Variants in COL4A2 observed in about 807,000 individuals in gnomAD.
COL4A2 encodes collagen alpha-2(IV) chain.
In COL4A2, 99 loss-of-function variants were observed where a neutral mutation model predicts 200.2. The observed-to-expected ratio is 0.49, with a 90% CI of 0.42 to 0.58. The LOEUF (loss-of-function observed/expected upper bound fraction) is 0.58, where lower values mean the gene tolerates loss of function less well. Among genes scored for constraint, COL4A2 ranks in the 20% least tolerant of loss-of-function variants. COL4A2 has a pLI of 0.00. For missense variants in COL4A2, 1,950 were observed against 2,314.1 expected (o/e 0.84, Z 3.23); for synonymous variants, 897 against 900.6 (o/e 1.00, Z 0.07).
chr13:110,472,624 A>T lies in COL4A2; in HGVS notation c.2204-305A>T, dbSNP rs9559817. ...GCTATTCTTTGGGGCTTATTTGCAA[A>T]GCAGGGGAACCCATGAATTATGCAA... On this transcript the variant is annotated intron_variant, in intron 28 of 47. Coordinates refer to ENST00000360467, the MANE Select transcript of COL4A2 (RefSeq NM_001846.4). Among the ~76,000 whole-genome samples the T allele has an allele frequency of 9.5e-3, 1,442 of 151,902 alleles. 16 individuals carry two copies. Among genetic ancestry groups the T allele is most frequent in the African/African-American group, 0.032 (1,334 of 41,390 alleles).
chr13:110,483,382 C>G (rs1272879430), intron 32 of COL4A2, among the ~76,000 whole-genome samples: 1 of 152,102 alleles, frequency 6.6e-6, no homozygotes, highest in East Asian at 1.9e-4. Flanking sequence ...ATAGAGTTAC[C>G]CAGAAGTTCT....
At chr13:110,385,810 T>C (rs372661443) in intron 4 of COL4A2, among the ~76,000 whole-genome samples, 1 of 94,250 alleles carries the variant, frequency 1.1e-5, no homozygotes, top group Non-Finnish European at 2.4e-5. Flanking sequence ...TAGGCCGTGG[T>C]TACAGTGTGT....
At chr13:110,386,243 A>T (rs1029607096) in intron 4 of COL4A2, among the ~76,000 whole-genome samples, 1 of 152,210 alleles carries the variant, frequency 6.6e-6, no homozygotes, top group Admixed American at 6.5e-5. Context: ...GAGAAACGCT[A>T]AGTAGCTTTC....
chr13:110,472,532 C>T (rs896578806), intron 28 of COL4A2, among the ~76,000 whole-genome samples: 1 of 152,142 alleles, frequency 6.6e-6, no homozygotes, highest in Non-Finnish European at 1.5e-5. Context: ...TCGTTCCTGC[C>T]TCCCTGGGAT....
At chr13:110,414,322 G>GA (rs544610936) in intron 4 of COL4A2, among the ~76,000 whole-genome samples, 3 of 152,020 alleles carry the variant, frequency 2.0e-5, no homozygotes, top group East Asian at 1.9e-4. Flanking sequence ...AAATTAAAAA[G>GA]AAAAAAACAA....
chr13:110,462,091 A>T (rs868121041), intron 22 of COL4A2, 23 bp from the exon 23 acceptor site: 29 of 1,612,576 alleles, frequency 1.8e-5, no homozygotes, highest in South Asian at 4.4e-5. Flanking sequence ...GAAGGAAGAT[A>T]TTTTTTTGTC....
rs41275120 is a variant in COL4A2, at chr13:110,507,441, A to G, written c.4595-494A>G. The G allele has an allele frequency of 3.5e-3, 580 of 163,424 alleles. 2 individuals are homozygous for G. The highest frequency in any genetic ancestry group is 5.8e-3 in the Non-Finnish European group (432 of 73,908). 10.1% of individuals were successfully genotyped at this position (163,424 alleles called of 1,614,324 possible). A position where few individuals can be genotyped will look rare whatever the true frequency, so the allele number is the denominator to read the frequency against. ...CTGAGCTTTTCAGCAATCCATGTGA[A>G]GAGGGAAACCTGCTTAGCTGCAGCA... On this transcript the variant is annotated intron_variant, in intron 46 of 47. Coordinates refer to ENST00000360467, the MANE Select transcript of COL4A2 (RefSeq NM_001846.4).
chr13:110,309,042 C>T (rs1884898513), intron 3 of COL4A2, among the ~76,000 whole-genome samples: 1 of 152,164 alleles, frequency 6.6e-6, no homozygotes, highest in Middle Eastern at 3.2e-3. Context: ...CTGGGAACGA[C>T]CCCTCCCTCC....
intron 3 of COL4A2, among the ~76,000 whole-genome samples, chr13:110,308,725 C>T (rs1884884179): frequency 6.6e-6 from 1 of 152,140 alleles, no homozygotes; most frequent in African/African-American, 2.4e-5. Context: ...TCCTGTTCGC[C>T]GAGCCTGCCC....
chr13:110,484,769 C>T lies in COL4A2; in HGVS notation c.2903-136C>T, dbSNP rs1883052793. On this transcript the variant is annotated intron_variant, in intron 32 of 47. Coordinates refer to ENST00000360467, the MANE Select transcript of COL4A2 (RefSeq NM_001846.4). ...ATGGACACAGGAGAGGCTTCTCCGG[C>T]GCCCTTGGTCTCTCTCCAAGGCTTC... The T allele has an allele frequency of 1.1e-5, 14 of 1,264,908 alleles. No homozygotes were observed. The South Asian group carries it at 1.5e-4, about 14-fold the overall frequency. 78.4% of individuals were successfully genotyped at this position (1,264,908 alleles called of 1,614,324 possible).
At chr13:110,402,571 T>C (rs1269549952) in intron 4 of COL4A2, among the ~76,000 whole-genome samples, 1 of 152,248 alleles carries the variant, frequency 6.6e-6, no homozygotes, top group East Asian at 1.9e-4. Flanking sequence ...TCCACTGTTC[T>C]GGGTGCTGGG....
intron 4 of COL4A2, among the ~76,000 whole-genome samples, chr13:110,407,639 G>A (rs1879622803): frequency 6.6e-6 from 1 of 152,202 alleles, no homozygotes. Context: ...AGTGGGATGG[G>A]GTGCACAGAG....
At chr13:110,461,830 C>T (rs56378529) in intron 22 of COL4A2, among the ~76,000 whole-genome samples, 5 of 151,880 alleles carry the variant, frequency 3.3e-5, no homozygotes, top group South Asian at 2.1e-4. Flanking sequence ...TCACCGCGCC[C>T]GGCCACATTG....
chr13:110,391,836 C>T (rs545155494), intron 4 of COL4A2, among the ~76,000 whole-genome samples: 12 of 152,286 alleles, frequency 7.9e-5, no homozygotes, highest in Admixed American at 5.9e-4. Context: ...TCAGTGTTCC[C>T]GGCTGGCAGG....
chr13:110,501,616 T>C, intron 40 of COL4A2, 52 bp from the exon 41 acceptor site: 1 of 1,478,228 alleles, frequency 6.8e-7, no homozygotes, highest in Non-Finnish European at 9.5e-7. Context: ...ATAGTAGATT[T>C]GAAAAGTTGG....
At chr13:110,478,757 T>C (rs1257833021) in intron 30 of COL4A2, among the ~76,000 whole-genome samples, 1 of 152,232 alleles carries the variant, frequency 6.6e-6, no homozygotes, top group African/African-American at 2.4e-5. Flanking sequence ...GAGGAATCAA[T>C]GTACTTTCCC....
intron 4 of COL4A2, among the ~76,000 whole-genome samples, chr13:110,365,350 A>G (rs1239415132): frequency 6.6e-6 from 1 of 152,302 alleles, no homozygotes; most frequent in South Asian, 2.1e-4. Context: ...CATGTTGGCC[A>G]GGATGGTCTC....
intron 4 of COL4A2, among the ~76,000 whole-genome samples, chr13:110,405,619 G>T (rs1879537759): frequency 6.6e-6 from 1 of 152,266 alleles, no homozygotes. Flanking sequence ...CCTGATCTCA[G>T]CTCTGTGGAG....
At chr13:110,374,914 G>A (rs561794972) in intron 4 of COL4A2, among the ~76,000 whole-genome samples, 1 of 152,282 alleles carries the variant, frequency 6.6e-6, no homozygotes, top group African/African-American at 2.4e-5. Context: ...TCTAAGTCAA[G>A]GTGAGATACT....
Sources: gnomAD v4.1 joint callset for allele counts (sites outside exome capture counted in the v4.1 genomes callset) on GRCh38, gnomAD v4.1.1 for gene constraint, MANE v1.5 for transcripts, NCBI Gene and HGNC (gene_info 2026-07-23, HGNC 2026-07-21) for gene names.